The following FOXP1 variants were observed in gnomAD, a reference collection of about 807,000 sequenced individuals.
The protein encoded by FOXP1 is forkhead box protein P1.
In FOXP1, 15 loss-of-function variants were observed where a neutral mutation model predicts 98.2. That is an observed-to-expected ratio of 0.15 (90% CI 0.10 to 0.24). The LOEUF is 0.24. FOXP1 is among the 10% of genes least tolerant of loss of function. The pLI, the probability that FOXP1 is intolerant of heterozygous loss-of-function variation, is 1.00. For missense variants in FOXP1, 633 were observed against 848.5 expected, an observed-to-expected ratio of 0.75 and a Z score of 3.15; for synonymous variants, 371 against 314.5, an observed-to-expected ratio of 1.18 and a Z score of -1.90.
intron 4 of FOXP1, among the ~76,000 whole-genome samples, chr3:71,303,854 G>T (rs923694260): frequency 2.6e-5 from 4 of 152,092 alleles, no homozygotes; most frequent in Non-Finnish European, 4.4e-5. Context: ...GAAAGGAAAA[G>T]AATAAAGCAA....
chr3:71,314,897 G>C (rs892780425), intron 4 of FOXP1, among the ~76,000 whole-genome samples: 19 of 151,924 alleles, frequency 1.3e-4, no homozygotes, highest in African/African-American at 4.6e-4. Context: ...TGTGCATATA[G>C]ATTCTGTTAC....
chr3:71,249,998 T>A (rs1164275149), intron 5 of FOXP1, among the ~76,000 whole-genome samples: 2 of 152,166 alleles, frequency 1.3e-5, no homozygotes, highest in Non-Finnish European at 2.9e-5. Context: ...TTGTCTGACA[T>A]CTGTATAAAG....
chr3:71,407,535 C>CA (rs1424568723), intron 3 of FOXP1, among the ~76,000 whole-genome samples: 1 of 152,122 alleles, frequency 6.6e-6, no homozygotes, highest in Non-Finnish European at 1.5e-5. Context: ...TCTGAGTAAA[C>CA]ATATGGCCTG....
In FOXP1 at chr3:71,396,962, ATG is replaced by A. The variant is rs200493609; in HGVS notation, c.-167-37720_-167-37719del. ...CATATATATATGTGTATATATATAT[ATG>A]TGTGTATATATATATATGTGTATAT... On this transcript the variant is annotated intron_variant, in intron 3 of 20. Coordinates refer to ENST00000649528, the MANE Select transcript of FOXP1 (RefSeq NM_001349338.3). Among the ~76,000 whole-genome samples, 20 of 24,754 alleles carry A rather than the reference ATG, an allele frequency of 8.1e-4. 6 individuals are homozygous for A. Among genetic ancestry groups the A allele is most frequent in the Non-Finnish European group, 1.9e-3 (17 of 8,904 alleles). 16.2% of individuals were successfully genotyped at this position (24,754 alleles called of 152,430 possible).
At chr3:70,974,653 G>A (rs78852652) in intron 17 of FOXP1, among the ~76,000 whole-genome samples, 4,977 of 152,220 alleles carry the variant, frequency 0.033, 247 homozygotes, top group East Asian at 0.24. Context: ...TTACTTACTG[G>A]AACAAAATTG....
intron 2 of FOXP1, among the ~76,000 whole-genome samples, chr3:71,557,385 TAA>T (rs778929848): frequency 8.4e-5 from 11 of 130,432 alleles, no homozygotes; most frequent in Admixed American, 1.5e-4. Context: ...TTAAAAAAAG[TAA>T]AAAAAAAAAA....
At chr3:71,205,184 C>T (rs867946290) in intron 5 of FOXP1, among the ~76,000 whole-genome samples, 8 of 152,068 alleles carry the variant, frequency 5.3e-5, no homozygotes, top group African/African-American at 7.2e-5. Context: ...TGATAAGGGA[C>T]GGCTAAAATT....
In FOXP1 at chr3:71,026,362, G is replaced by A. The variant is rs2046115216; in HGVS notation, c.870-10709C>T. ...GTTTGGAAAAGTAAAAGCTCATAAA[G>A]TAGTCCTTGAGGATCCAGTCTGTAG... On this transcript the variant is annotated intron_variant, in intron 11 of 20. Coordinates refer to ENST00000649528, the MANE Select transcript of FOXP1 (RefSeq NM_001349338.3). 3.3e-5 allele frequency among the ~76,000 whole-genome samples: 5 copies of A among 152,334 alleles called. No homozygotes were observed. The South Asian group carries it at 1.0e-3, about 32-fold the overall frequency.
rs144461379 is a variant in FOXP1 at position 71,130,844 on chromosome 3, A to G, written c.181-18207T>C. 8 of 1,431,318 alleles carry G rather than the reference A, an allele frequency of 5.6e-6. No individual in the cohort carries two copies. In the African/African-American group the frequency reaches 1.1e-4, roughly 21 times the overall value. The allele number at this position is 1,431,318 out of a possible 1,614,324, so 88.7% of individuals were successfully genotyped here. A position where few individuals can be genotyped will look rare whatever the true frequency, so the allele number is the denominator to read the frequency against. The stretch of plus-strand genomic sequence containing the variant: ...GGTAATTTTCAAAGTTGCATTTAGC[A>G]CTTAAAGAAATCTATTAATGCCACA... On this transcript the variant is annotated intron_variant, in intron 6 of 20. Transcript: ENST00000649528.
intron 2 of FOXP1, among the ~76,000 whole-genome samples, chr3:71,561,820 C>T (rs767971348): frequency 1.3e-5 from 2 of 152,324 alleles, no homozygotes; most frequent in Non-Finnish European, 2.9e-5. Flanking sequence ...CACTATTCCA[C>T]TAACTTAGGA....
At chr3:71,430,853 A>G (rs1206278447) in intron 3 of FOXP1, among the ~76,000 whole-genome samples, 1 of 152,154 alleles carries the variant, frequency 6.6e-6, no homozygotes, top group East Asian at 1.9e-4. Flanking sequence ...CCATGTTTCT[A>G]TGGCAAGAAT....
chr3:71,452,303 AATT>A (rs2087030023), intron 3 of FOXP1, among the ~76,000 whole-genome samples: 1 of 152,148 alleles, frequency 6.6e-6, no homozygotes, highest in South Asian at 2.1e-4. Flanking sequence ...TCAGGAGTTT[AATT>A]ATTAAGTCAG....
intron 5 of FOXP1, among the ~76,000 whole-genome samples, chr3:71,280,122 C>CAA (rs2071365650): frequency 7.7e-5 from 2 of 26,080 alleles, no homozygotes; most frequent in African/African-American, 3.1e-4. Context: ...GACTCTGTCT[C>CAA]AAACAAAAAA....
At chr3:71,577,552 G>A (rs1192968768) in intron 2 of FOXP1, among the ~76,000 whole-genome samples, 1 of 152,094 alleles carries the variant, frequency 6.6e-6, no homozygotes, top group Non-Finnish European at 1.5e-5. Context: ...TCCAGCTTTT[G>A]GAGCCTTTAT....
At chr3:71,257,171 T>C (rs1447127915) in intron 5 of FOXP1, among the ~76,000 whole-genome samples, 6 of 152,220 alleles carry the variant, frequency 3.9e-5, no homozygotes, top group Non-Finnish European at 7.3e-5. Flanking sequence ...TGGGTGCTCC[T>C]AAATTATAAA....
At chr3:71,023,245 AAATT>A (rs2045670079) in intron 11 of FOXP1, among the ~76,000 whole-genome samples, 2 of 152,152 alleles carry the variant, frequency 1.3e-5, no homozygotes, top group Non-Finnish European at 2.9e-5. Context: ...TTATCCTTCC[AAATT>A]ATTTGGTCTC....
intron 3 of FOXP1, among the ~76,000 whole-genome samples, chr3:71,413,296 AACAGCCAACCAGT>A (rs1191992068): frequency 2.1e-5 from 3 of 145,270 alleles, no homozygotes; most frequent in African/African-American, 7.7e-5. Context: ...ACACACCCAA[AACAGCCAACCAGT>A]ATGGAACTGG....
intron 9 of FOXP1, among the ~76,000 whole-genome samples, chr3:71,047,340 T>TC (rs1291311206): frequency 6.6e-6 from 1 of 152,024 alleles, no homozygotes; most frequent in Admixed American, 6.6e-5. Context: ...AAGCCAGCTT[T>TC]CCCCCCAGTT....
At chr3:71,291,118 T>C (rs1025080855) in intron 5 of FOXP1, among the ~76,000 whole-genome samples, 1 of 152,160 alleles carries the variant, frequency 6.6e-6, no homozygotes, top group Non-Finnish European at 1.5e-5. Flanking sequence ...ACCACGCCCT[T>C]GTTTATCACG....
Sources: gnomAD v4.1 joint callset for allele counts (sites outside exome capture counted in the v4.1 genomes callset) on GRCh38, gnomAD v4.1.1 for gene constraint, MANE v1.5 for transcripts, NCBI Gene and HGNC (gene_info 2026-07-23, HGNC 2026-07-21) for gene names.